EYS: variants seen among roughly 807,000 people sequenced by gnomAD.
The protein encoded by EYS is protein eyes shut homolog.
EYS carries 250 observed loss-of-function variants against 282.1 expected under a neutral mutation model. The ratio of observed to expected loss-of-function variants is 0.89; its 90% CI spans 0.80 to 0.98. The LOEUF (loss-of-function observed/expected upper bound fraction) is 0.98. Among genes scored for constraint, EYS ranks in the 50% least tolerant of loss-of-function variants. The pLI is 0.00. For synonymous variants in EYS, 1,355 were observed against 1,282.9 expected (o/e 1.06, Z -1.20); for missense variants, 4,016 against 3,709.0 (o/e 1.08, Z -2.15).
At chr6:63,844,944 T>C (rs778511542) in intron 36 of EYS, among the ~76,000 whole-genome samples, 63 of 152,192 alleles carry the variant, frequency 4.1e-4, no homozygotes, top group Admixed American at 2.0e-4. Flanking sequence ...AATGCCTATG[T>C]TCTGAATGGT....
intron 36 of EYS, among the ~76,000 whole-genome samples, chr6:63,850,944 G>A (rs1338036810): frequency 6.6e-6 from 1 of 152,140 alleles, no homozygotes; most frequent in Non-Finnish European, 1.5e-5. Flanking sequence ...CACATGCAAA[G>A]ACACACATAG....
intron 12 of EYS, among the ~76,000 whole-genome samples, chr6:65,128,688 T>G (rs1163419509): frequency 6.6e-6 from 1 of 151,920 alleles, no homozygotes; most frequent in Non-Finnish European, 1.5e-5. Context: ...TGGAGAAACA[T>G]CCCATGGTCA....
chr6:64,861,032 C>A (rs34744999), intron 19 of EYS, among the ~76,000 whole-genome samples: 9,580 of 152,260 alleles, frequency 0.063, 401 homozygotes, highest in African/African-American at 0.11. Flanking sequence ...TACTGACAAC[C>A]CAGACCCCAG....
chr6:63,906,914 A>C (rs1278480748), intron 35 of EYS, among the ~76,000 whole-genome samples: 1 of 152,112 alleles, frequency 6.6e-6, no homozygotes, highest in Non-Finnish European at 1.5e-5. Context: ...AAAAACCTAA[A>C]AAAAGGACCT....
At chr6:65,262,116 C>G (rs879658264) in intron 12 of EYS, among the ~76,000 whole-genome samples, 1 of 152,010 alleles carries the variant, frequency 6.6e-6, no homozygotes, top group African/African-American at 2.4e-5. Context: ...TTCTAAATAG[C>G]TCCCAGGTGC....
intron 31 of EYS, among the ~76,000 whole-genome samples, chr6:64,149,211 C>A (rs1774621235): frequency 6.6e-6 from 1 of 152,136 alleles, no homozygotes; most frequent in Non-Finnish European, 1.5e-5. Flanking sequence ...ATCCCACTAT[C>A]AAAAAATAAC....
At chr6:65,181,297 C>A (rs1053050966) in intron 12 of EYS, among the ~76,000 whole-genome samples, 9 of 151,852 alleles carry the variant, frequency 5.9e-5, no homozygotes, top group African/African-American at 2.2e-4. Context: ...AAAATTTTTG[C>A]AATCTACTCA....
Position 64,590,319 on chromosome 6 carries a change from C to A in EYS, c.5548G>T (p.Glu1850Ter). 6.4e-7 allele frequency: 1 copy of A among 1,551,152 alleles called. No homozygotes were observed. The part of the protein sequence containing the change: ...WELQPSVQYQ[E>*]FPTASRHLPF... ...AGATGCCGGCTTGCAGTGGGAAATT[C>A]CTGATATTGCACACTAGGCTGAAGT... The change falls in exon 26 of 43, where the codon GAA (glutamate) becomes TAA (stop). Residue 1850 changes from glutamate (E) to a stop codon, truncating the protein, a stop_gained. Transcript: ENST00000503581. LOFTEE classifies it high-confidence loss of function.
chr6:64,249,063 CAAAAAA>C (rs34663169), intron 30 of EYS, among the ~76,000 whole-genome samples: 2 of 70,060 alleles, frequency 2.9e-5, no homozygotes, highest in African/African-American at 1.4e-4. Flanking sequence ...CACCCTGTCT[CAAAAAA>C]AAAAAAAAAA....
At chr6:64,733,847 C>T (rs1021514547) in intron 22 of EYS, 1 of 160,202 alleles carries the variant, frequency 6.2e-6, no homozygotes, top group African/African-American at 2.4e-5. Flanking sequence ...TCTTGCTTCT[C>T]TGTGGCTCCT....
intron 14 of EYS, among the ~76,000 whole-genome samples, chr6:64,993,478 C>CA (rs1034653852): frequency 1.4e-5 from 2 of 145,934 alleles, no homozygotes; most frequent in African/African-American, 2.5e-5. Context: ...ACCGCAAGGA[C>CA]AAAAAATCAA....
At chr6:63,896,274 A>G (rs75838276) in intron 35 of EYS, among the ~76,000 whole-genome samples, 7,876 of 152,268 alleles carry the variant, frequency 0.052, 290 homozygotes, top group South Asian at 0.12. Context: ...CTCATTACAT[A>G]TATTACAATG....
rs544257110 is a variant in EYS, at chr6:65,352,509, T to C, written c.1459+949A>G. Among the ~76,000 whole-genome samples the C allele has an allele frequency of 5.9e-5, 9 of 151,998 alleles. No homozygotes were observed. The South Asian group carries it at 1.9e-3, about 31-fold the overall frequency. On this transcript the variant is annotated intron_variant, in intron 9 of 42. Transcript: ENST00000503581. The stretch of plus-strand genomic sequence containing the variant: ...AATAGATTGCGATAGAAATTGAAAC[T>C]CTATAATATAAACAAAAACATATAT...
chr6:64,062,558 G>C (rs1191899483), intron 33 of EYS, among the ~76,000 whole-genome samples: 1 of 152,004 alleles, frequency 6.6e-6, no homozygotes, highest in African/African-American at 2.4e-5. Context: ...CAGGCGTGGT[G>C]GTGGGCACCT....
chr6:65,351,526 T>G (rs982945036), intron 9 of EYS, among the ~76,000 whole-genome samples: 1 of 151,770 alleles, frequency 6.6e-6, no homozygotes, highest in Admixed American at 6.6e-5. Flanking sequence ...TTTGACTTAC[T>G]ATTACTCCTT....
chr6:65,335,252 T>A (rs553417420), intron 10 of EYS, 106 bp from the exon 11 acceptor site: 5 of 828,834 alleles, frequency 6.0e-6, no homozygotes, highest in African/African-American at 3.4e-5. Flanking sequence ...TCTACTAAGA[T>A]GAAACCTAGG....
At chr6:63,996,426 GTA>G (rs1456810351) in intron 34 of EYS, among the ~76,000 whole-genome samples, 1 of 152,014 alleles carries the variant, frequency 6.6e-6, no homozygotes, top group Non-Finnish European at 1.5e-5. Flanking sequence ...GCAATAATGT[GTA>G]TATAATTAAC....
chr6:65,466,960 T>C (rs969324823), intron 5 of EYS, among the ~76,000 whole-genome samples: 3 of 152,212 alleles, frequency 2.0e-5, no homozygotes, highest in South Asian at 2.1e-4. Context: ...GCCCAGCAGA[T>C]GCTATATGTA....
chr6:65,456,945 T>C (rs9354248), intron 5 of EYS, among the ~76,000 whole-genome samples: 28,093 of 152,064 alleles, frequency 0.18, 3,224 homozygotes, highest in Middle Eastern at 0.29. Context: ...TTGAAGACGT[T>C]AGTGCTACTT....
Sources: gnomAD v4.1 joint callset for allele counts (sites outside exome capture counted in the v4.1 genomes callset) on GRCh38, gnomAD v4.1.1 for gene constraint, MANE v1.5 for transcripts, NCBI Gene and HGNC (gene_info 2026-07-23, HGNC 2026-07-21) for gene names.